Variants in NOL4 observed in about 807,000 individuals in gnomAD.
NOL4 encodes nucleolar protein 4.
A neutral mutation model predicts 75.9 loss-of-function variants in NOL4; 17 were observed. The ratio of observed to expected loss-of-function variants is 0.22; its 90% CI spans 0.15 to 0.34. The LOEUF (loss-of-function observed/expected upper bound fraction) is 0.34. Among genes scored for constraint, NOL4 ranks in the 10% least tolerant of loss-of-function variants. NOL4 has a pLI of 1.00. For synonymous variants in NOL4, 292 were observed against 289.9 expected (o/e 1.01, Z -0.07); for missense variants, 614 against 793.5 (o/e 0.77, Z 2.72).
intron 1 of NOL4, among the ~76,000 whole-genome samples, chr18:34,179,319 A>G (rs2033833908): frequency 6.6e-6 from 1 of 151,388 alleles, no homozygotes; most frequent in Non-Finnish European, 1.5e-5. Context: ...AAATCACACT[A>G]AACTCAAGAC....
At chr18:34,178,134 GTT>G (rs2033714089) in intron 1 of NOL4, among the ~76,000 whole-genome samples, 2 of 151,662 alleles carry the variant, frequency 1.3e-5, no homozygotes, top group South Asian at 4.1e-4. Context: ...AGGAGCACAA[GTT>G]TTATATACTA....
chr18:33,867,146 G>A (rs1057084479), intron 10 of NOL4, among the ~76,000 whole-genome samples: 15 of 152,118 alleles, frequency 9.9e-5, no homozygotes, highest in African/African-American at 3.6e-4. Context: ...GGGGTTAATT[G>A]TTTGCCTAAA....
chr18:33,972,952 A>T (rs1341940758), intron 6 of NOL4, among the ~76,000 whole-genome samples: 1 of 152,178 alleles, frequency 6.6e-6, no homozygotes, highest in East Asian at 1.9e-4. Context: ...GGTGGCTGTG[A>T]CAGTTTCTTG....
intron 5 of NOL4, among the ~76,000 whole-genome samples, chr18:34,081,506 T>C (rs1321986274): frequency 6.6e-6 from 1 of 152,154 alleles, no homozygotes; most frequent in African/African-American, 2.4e-5. Flanking sequence ...ATGCTTTATG[T>C]AGGAAAATGG....
intron 5 of NOL4, among the ~76,000 whole-genome samples, chr18:34,045,021 T>C (rs1366498013): frequency 6.6e-6 from 1 of 152,192 alleles, no homozygotes; most frequent in Non-Finnish European, 1.5e-5. Context: ...TCTCTGTCCT[T>C]CTTATCATCT....
intron 5 of NOL4, among the ~76,000 whole-genome samples, chr18:34,060,198 C>G (rs1229410447): frequency 6.6e-6 from 1 of 152,194 alleles, no homozygotes; most frequent in Non-Finnish European, 1.5e-5. Context: ...TGAATCTACA[C>G]TATATCCACC....
At position 34,195,775 on chromosome 18, in the gene NOL4, C is replaced by T. The variant is rs561675082; in HGVS notation, c.264+27215G>A. 2.6e-5 allele frequency among the ~76,000 whole-genome samples: 4 copies of T among 152,088 alleles called. No homozygotes were observed. In the East Asian group the frequency reaches 5.8e-4, roughly 22 times the overall value. On this transcript the variant is annotated intron_variant, in intron 1 of 10. Coordinates refer to ENST00000261592, the MANE Select transcript of NOL4 (RefSeq NM_003787.5). ...ATTTTCCATTGCAATGATGAAGATACCTGAAAGTTTAAAAAATGTCACCTT... is the reference window on the plus strand; with the variant it reads ...ATTTTCCATTGCAATGATGAAGATATCTGAAAGTTTAAAAAATGTCACCTT...
chr18:33,857,776 T>C (rs754318545), intron 10 of NOL4, among the ~76,000 whole-genome samples: 1 of 152,094 alleles, frequency 6.6e-6, no homozygotes, highest in African/African-American at 2.4e-5. Context: ...TGAAGTGTTT[T>C]CCACAATACA....
intron 3 of NOL4, 42 bp from the exon 4 acceptor site, chr18:34,104,201 CATTCTACCTGT>C (rs763517547): frequency 1.0e-5 from 11 of 1,097,634 alleles, no homozygotes; most frequent in South Asian, 3.8e-5. Context: ...AGTAATACTG[CATTCTACCTGT>C]AATTTTAAAA....
intron 6 of NOL4, among the ~76,000 whole-genome samples, chr18:34,000,821 T>C (rs529836049): frequency 6.6e-6 from 1 of 152,244 alleles, no homozygotes; most frequent in South Asian, 2.1e-4. Context: ...GCAGACAACA[T>C]AAAATGCTAA....
At chr18:33,993,530 A>G (rs1390625861) in intron 6 of NOL4, among the ~76,000 whole-genome samples, 1 of 151,908 alleles carries the variant, frequency 6.6e-6, no homozygotes, top group Non-Finnish European at 1.5e-5. Context: ...TAAAATGGGA[A>G]GTTTCCCACA....
Position 34,025,579 on chromosome 18 carries a change from G to GT in NOL4, c.773-5979_773-5978insA, listed in dbSNP as rs2075299748. ...TCACTAATTCTCCAGCTATTTGTGTGCACACTGGCTCTATGTATGTCATTT... is the reference window on the plus strand; with the variant it reads ...TCACTAATTCTCCAGCTATTTGTGTGTCACACTGGCTCTATGTATGTCATTT... On this transcript the variant is annotated intron_variant, in intron 5 of 10. Coordinates refer to ENST00000261592, the MANE Select transcript of NOL4 (RefSeq NM_003787.5). 3.9e-5 allele frequency among the ~76,000 whole-genome samples: 6 copies of GT among 152,278 alleles called. No homozygotes were observed. The South Asian group carries it at 1.0e-3, about 26-fold the overall frequency.
chr18:34,033,034 A>G (rs1481278050), intron 5 of NOL4, among the ~76,000 whole-genome samples: 1 of 152,202 alleles, frequency 6.6e-6, no homozygotes, highest in Non-Finnish European at 1.5e-5. Flanking sequence ...AACCAACACC[A>G]TAGGTACATA....
At chr18:34,144,340 A>C (rs898618737) in intron 1 of NOL4, among the ~76,000 whole-genome samples, 1 of 152,116 alleles carries the variant, frequency 6.6e-6, no homozygotes, top group Non-Finnish European at 1.5e-5. Flanking sequence ...AAGATGAGTA[A>C]ATGACAGATT....
At chr18:34,084,820 T>C (rs968056793) in intron 5 of NOL4, among the ~76,000 whole-genome samples, 2 of 152,222 alleles carry the variant, frequency 1.3e-5, no homozygotes, top group Admixed American at 6.5e-5. Flanking sequence ...CCCTACGTTG[T>C]AGTTGATTTA....
intron 10 of NOL4, among the ~76,000 whole-genome samples, chr18:33,879,953 C>A (rs1355306171): frequency 6.6e-6 from 1 of 151,972 alleles, no homozygotes; most frequent in Non-Finnish European, 1.5e-5. Context: ...AAATTCCACT[C>A]TAACTTTTTG....
At position 34,221,701 on chromosome 18, in the gene NOL4, T is replaced by A. The variant is rs1600922670; in HGVS notation, c.264+1289A>T. ...TTCTATATAAATTCTAAAATAAATA[T>A]ACATCCTTCAAACAACTATTTCTAA... is the stretch of plus-strand genomic sequence containing the variant. On this transcript the variant is annotated intron_variant, in intron 1 of 10. Coordinates refer to ENST00000261592, the MANE Select transcript of NOL4 (RefSeq NM_003787.5). 2.7e-5 allele frequency: 6 copies of A among 221,784 alleles called. No homozygotes were observed. The East Asian group carries it at 5.5e-4, about 20-fold the overall frequency. The allele number at this position is 221,784 out of a possible 1,614,324, so 13.7% of individuals were successfully genotyped here. A position where few individuals can be genotyped will look rare whatever the true frequency, so the allele number is the denominator to read the frequency against.
intron 1 of NOL4, among the ~76,000 whole-genome samples, chr18:34,212,986 T>C (rs1225385264): frequency 6.6e-6 from 1 of 152,176 alleles, no homozygotes; most frequent in East Asian, 1.9e-4. Flanking sequence ...CCTTACCATA[T>C]AAGATAATAA....
At chr18:34,069,874 CT>C (rs761367842) in intron 5 of NOL4, among the ~76,000 whole-genome samples, 24 of 152,196 alleles carry the variant, frequency 1.6e-4, no homozygotes, top group Non-Finnish European at 3.1e-4. Context: ...ACAGACAGAT[CT>C]CCTAATTTTA....
Sources: gnomAD v4.1 joint callset for allele counts (sites outside exome capture counted in the v4.1 genomes callset) on GRCh38, gnomAD v4.1.1 for gene constraint, MANE v1.5 for transcripts, NCBI Gene and HGNC (gene_info 2026-07-23, HGNC 2026-07-21) for gene names.